CCNH: variants seen among roughly 807,000 people sequenced by gnomAD.
The protein encoded by CCNH is cyclin H, also known as cyclin-H.
In CCNH, 31 loss-of-function variants were observed where a neutral mutation model predicts 41.9. The observed-to-expected ratio is 0.74, with a 90% CI of 0.56 to 1.00. The LOEUF (loss-of-function observed/expected upper bound fraction) is 1.00. Ranked by LOEUF, CCNH falls within the 50% of genes least tolerant of loss-of-function variation. The pLI is 0.00. For missense variants in CCNH, 362 were observed against 388.4 expected, an observed-to-expected ratio of 0.93 and a Z score of 0.57; for synonymous variants, 138 against 136.1, an observed-to-expected ratio of 1.01 and a Z score of -0.10.
At chr5:87,314,722 C>T (rs181145694), downstream of CCNH, among the ~76,000 whole-genome samples, 235 of 150,928 alleles carry the variant, frequency 1.6e-3, 1 homozygote, top group African/African-American at 5.3e-3. Context: ...GGCTGTGGGA[C>T]GAATGATGAT....
At chr5:87,366,843 G>A (rs1200392437) in intron 9 of CCNH, among the ~76,000 whole-genome samples, 1 of 152,140 alleles carries the variant, frequency 6.6e-6, no homozygotes, top group Non-Finnish European at 1.5e-5. Flanking sequence ...ACCAGCCTGG[G>A]CCTACATGGC....
At chr5:87,345,751 T>C (rs1758815046) in intron 9 of CCNH, among the ~76,000 whole-genome samples, 1 of 152,190 alleles carries the variant, frequency 6.6e-6, no homozygotes, top group Non-Finnish European at 1.5e-5. Flanking sequence ...ACTGGACTTT[T>C]GAGCACTTAT....
chr5:87,396,829 A>C (rs1487893679), intron 7 of CCNH, among the ~76,000 whole-genome samples: 1 of 152,194 alleles, frequency 6.6e-6, no homozygotes, highest in Admixed American at 6.5e-5. Flanking sequence ...TGTATGAAAA[A>C]TGCAAAGAAG....
chr5:87,412,561 C>T (rs1216556519), intron 1 of CCNH, 117 bp downstream of exon 1: 16 of 1,479,728 alleles, frequency 1.1e-5, no homozygotes, highest in Non-Finnish European at 1.3e-5. Flanking sequence ...AAAACGCACT[C>T]CGCGCCGCAG....
intron 9 of CCNH, among the ~76,000 whole-genome samples, chr5:87,369,204 C>T (rs907126435): frequency 1.3e-5 from 2 of 152,174 alleles, no homozygotes; most frequent in African/African-American, 4.8e-5. Flanking sequence ...GGAAAGATAG[C>T]ACATTTCCAA....
chr5:87,313,972 A>G (rs369129843), downstream of CCNH, among the ~76,000 whole-genome samples: 620 of 151,970 alleles, frequency 4.1e-3, 6 homozygotes, highest in African/African-American at 0.014. Context: ...GTTTGAGACT[A>G]CCCTGACCAA....
Position 87,404,277 on chromosome 5 carries a change from A to T in CCNH, c.689+567T>A, listed in dbSNP as rs73159597. On this transcript the variant is annotated intron_variant, in intron 5 of 8. Transcript: ENST00000256897. Reference sequence around the variant, plus strand: ...AATCTGCTCTATTTGCTGCCACCTTATCAATGGATTCTGAAATTATGGATA... The same window carrying T: ...AATCTGCTCTATTTGCTGCCACCTTTTCAATGGATTCTGAAATTATGGATA... Among the ~76,000 whole-genome samples the T allele has an allele frequency of 1.7e-3, 260 of 152,324 alleles. 1 individual carries two copies. The highest frequency in any genetic ancestry group is 0.017 in the Middle Eastern group (5 of 294).
upstream of CCNH, chr5:87,379,875 CAAG>C: frequency 6.2e-7 from 1 of 1,604,320 alleles, no homozygotes; most frequent in Non-Finnish European, 8.5e-7. Context: ...TTTCATTTGA[CAAG>C]AAATTGTGTA....
chr5:87,405,100 T>C, intron 4 of CCNH, 93 bp from the exon 5 acceptor site: 1 of 861,868 alleles, frequency 1.2e-6, no homozygotes, highest in Non-Finnish European at 1.9e-6. Flanking sequence ...TTAAGAAATA[T>C]ATGCTATAAC....
chr5:87,373,675 G>T (rs959134597), downstream of CCNH, among the ~76,000 whole-genome samples: 26 of 152,052 alleles, frequency 1.7e-4, no homozygotes, highest in African/African-American at 6.0e-4. Flanking sequence ...GTTTCTTTAG[G>T]TTTGTATCCT....
At chr5:87,379,968 A>T, upstream of CCNH, 1 of 1,066,226 alleles carries the variant, frequency 9.4e-7, no homozygotes, top group East Asian at 2.6e-5. Context: ...TGAAAAAGTC[A>T]TGGTTAATCT....
intron 5 of CCNH, among the ~76,000 whole-genome samples, chr5:87,402,339 AACTT>A (rs949690252): frequency 1.2e-4 from 19 of 152,218 alleles, no homozygotes; most frequent in Admixed American, 1.1e-3. Flanking sequence ...AAAGGTGTTA[AACTT>A]ACTTATCAAT....
At chr5:87,390,028 G>A (rs985104306), downstream of CCNH, among the ~76,000 whole-genome samples, 3 of 152,128 alleles carry the variant, frequency 2.0e-5, no homozygotes, top group African/African-American at 7.2e-5. Flanking sequence ...TAGGTATTCC[G>A]ATGCAAGTGA....
downstream of CCNH, chr5:87,392,522 T>C (rs1388955773): frequency 5.5e-6 from 2 of 364,524 alleles, no homozygotes; most frequent in South Asian, 2.1e-5. Context: ...TGGACCAACA[T>C]AGTATCCCAG....
chr5:87,319,195 G>A (rs1043605859), intron 9 of CCNH, among the ~76,000 whole-genome samples: 3 of 152,246 alleles, frequency 2.0e-5, no homozygotes, highest in Non-Finnish European at 2.9e-5. Flanking sequence ...GGCATTGAGT[G>A]CCTGCAACTT....
intron 4 of CCNH, among the ~76,000 whole-genome samples, chr5:87,406,794 C>T (rs545486454): frequency 1.2e-3 from 181 of 152,200 alleles, no homozygotes; most frequent in Middle Eastern, 6.8e-3. Flanking sequence ...ACTCCTTTAA[C>T]GGTACCCTGT....
At chr5:87,388,520 G>C (rs1580415271), downstream of CCNH, among the ~76,000 whole-genome samples, 1 of 152,148 alleles carries the variant, frequency 6.6e-6, no homozygotes, top group Admixed American at 6.5e-5. Context: ...TGCTCAACTG[G>C]CAAGTATACT....
intron 9 of CCNH, among the ~76,000 whole-genome samples, chr5:87,351,843 C>G (rs778448835): frequency 6.6e-6 from 1 of 151,732 alleles, no homozygotes; most frequent in Non-Finnish European, 1.5e-5. Flanking sequence ...CCATGGTTTC[C>G]TGTTCTCTCA....
upstream of CCNH, among the ~76,000 whole-genome samples, chr5:87,380,959 T>C (rs77996308): frequency 7.8e-3 from 1,193 of 152,288 alleles, 21 homozygotes; most frequent in African/African-American, 0.027. Context: ...CCGATTTAGA[T>C]ATTAATTGGT....
Sources: gnomAD v4.1 joint callset for allele counts (sites outside exome capture counted in the v4.1 genomes callset) on GRCh38, gnomAD v4.1.1 for gene constraint, MANE v1.5 for transcripts, NCBI Gene and HGNC (gene_info 2026-07-23, HGNC 2026-07-21) for gene names.